IST1: variants seen among roughly 807,000 people sequenced by gnomAD.
IST1 encodes the protein IST1 homolog.
A neutral mutation model predicts 37.0 loss-of-function variants in IST1; 23 were observed. That is an observed-to-expected ratio of 0.62 (90% CI 0.45 to 0.88). The LOEUF (loss-of-function observed/expected upper bound fraction) is 0.88. Ranked by LOEUF, IST1 falls within the 40% of genes least tolerant of loss-of-function variation. The pLI is 0.00. For missense variants in IST1, 488 were observed against 445.4 expected (o/e 1.10, Z -0.86); for synonymous variants, 180 against 161.7 (o/e 1.11, Z -0.86).
At chr16:71,916,753 T>A in intron 3 of IST1, 111 bp downstream of exon 3, 1 of 896,952 alleles carries the variant, frequency 1.1e-6, no homozygotes, top group Non-Finnish European at 1.7e-6. Context: ...ATCTGCTGCC[T>A]AACAGTTGCT....
chr16:71,921,592 A>G (rs2037586240), intron 6 of IST1, 139 bp downstream of exon 6: 1 of 601,278 alleles, frequency 1.7e-6, no homozygotes, highest in Admixed American at 2.9e-5. Context: ...ATGACAATAA[A>G]TGTGCCTGCA....
chr16:71,930,318 G>C lies in IST1; in HGVS notation c.*2505G>C, dbSNP rs961408699. On this transcript the variant is annotated 3_prime_UTR_variant, in exon 10 of 10. Transcript: ENST00000378799. ...AGGAAACTTAGGGAGAGAGTCAAAA[G>C]ATAATAAGAAGGAAAATACTTTTAA... is the stretch of plus-strand genomic sequence containing the variant. 1.5e-5 allele frequency: 13 copies of C among 871,874 alleles called. No homozygotes were observed. In the African/African-American group the frequency reaches 2.2e-4, roughly 15 times the overall value. 54.0% of individuals were successfully genotyped at this position (871,874 alleles called of 1,614,324 possible).
At chr16:71,904,578 T>C (rs1243048490) in intron 1 of IST1, among the ~76,000 whole-genome samples, 1 of 152,200 alleles carries the variant, frequency 6.6e-6, no homozygotes, top group African/African-American at 2.4e-5. Context: ...CGTGTCCAGC[T>C]AATTTTTATT....
chr16:71,913,828 T>G (rs553297020), intron 1 of IST1, among the ~76,000 whole-genome samples: 2 of 152,020 alleles, frequency 1.3e-5, no homozygotes, highest in South Asian at 2.1e-4. Context: ...TATTTTTGGA[T>G]ACGGAGTTTC....
At chr16:71,917,559 A>G (rs905937577) in intron 4 of IST1, among the ~76,000 whole-genome samples, 5 of 152,380 alleles carry the variant, frequency 3.3e-5, no homozygotes, top group Admixed American at 1.3e-4. Flanking sequence ...GGCACCAGCC[A>G]TACTCCTGTA....
At chr16:71,899,780 T>G (rs1291419521) in intron 1 of IST1, among the ~76,000 whole-genome samples, 2 of 148,806 alleles carry the variant, frequency 1.3e-5, no homozygotes, top group Non-Finnish European at 3.0e-5. Flanking sequence ...TCCCAGCACT[T>G]CGGGAGGCCG....
rs557232249 is a variant in IST1, at chr16:71,928,180, T to C, written c.*367T>C. 2.0e-4 allele frequency: 56 copies of C among 277,950 alleles called. No homozygotes were observed. Among genetic ancestry groups the C allele is most frequent in the African/African-American group, 1.2e-3 (53 of 45,222 alleles). The allele number at this position is 277,950 out of a possible 1,614,324, so 17.2% of individuals were successfully genotyped here. A position where few individuals can be genotyped will look rare whatever the true frequency, so the allele number is the denominator to read the frequency against. ...TGGCTGGACAGTGGGAGAGAGCACG[T>C]TGTGAAGCATCCCAGCCTCGTGTTG... On this transcript the variant is annotated 3_prime_UTR_variant, in exon 10 of 10. Coordinates refer to ENST00000378799, the MANE Select transcript of IST1 (RefSeq NM_001270975.2).
chr16:71,898,423 C>T (rs2037026995), intron 1 of IST1, among the ~76,000 whole-genome samples: 1 of 150,160 alleles, frequency 6.7e-6, no homozygotes, highest in Non-Finnish European at 1.5e-5. Flanking sequence ...GTGGCTCATG[C>T]CTGTAATCCC....
chr16:71,922,419 G>C, intron 6 of IST1, 55 bp from the exon 7 acceptor site: 1 of 1,472,570 alleles, frequency 6.8e-7, no homozygotes, highest in Non-Finnish European at 9.5e-7. Context: ...TCCGCTTTCT[G>C]GGGAACCTGG....
In IST1 at chr16:71,895,541, G is replaced by A; in HGVS notation, c.-64G>A. On this transcript the variant is annotated 5_prime_UTR_variant, in exon 1 of 10. The change creates a new upstream start codon in the 5' untranslated region. Coordinates refer to ENST00000378799, the MANE Select transcript of IST1 (RefSeq NM_001270975.2). ...GCCGAGGGAGTCGCCATTTTGGATG[G>A]TGAACCCTGAAGTCGGTGTCTGCTG... 1 of 985,706 alleles carries A rather than the reference G, an allele frequency of 1.0e-6. No individual in the cohort carries two copies. The highest frequency in any genetic ancestry group is 1.2e-6 in the Non-Finnish European group (1 of 830,074). 61.1% of individuals were successfully genotyped at this position (985,706 alleles called of 1,614,324 possible).
chr16:71,900,262 G>GCT (rs1263722500), intron 1 of IST1, among the ~76,000 whole-genome samples: 1 of 149,760 alleles, frequency 6.7e-6, no homozygotes, highest in Admixed American at 6.7e-5. Context: ...TCTTGACCTT[G>GCT]CTCTCTCCCC....
chr16:71,928,250 G>GGTGAGTGAGAATCAAGGCCACCTTGTGT lies in IST1; in HGVS notation c.*440_*467dup, dbSNP rs2037800203. ...AGACCCCTCTGTACAGGGGGATTGT[G>GGTGAGTGAGAATCAAGGCCACCTTGTGT]GTGAGTGAGAATCAAGGCCACCTTG... is the stretch of plus-strand genomic sequence containing the variant. On this transcript the variant is annotated 3_prime_UTR_variant, in exon 10 of 10. Transcript: ENST00000378799. The GGTGAGTGAGAATCAAGGCCACCTTGTGT allele has an allele frequency of 5.7e-6, 1 of 174,858 alleles. No homozygotes were observed. Among genetic ancestry groups the GGTGAGTGAGAATCAAGGCCACCTTGTGT allele is most frequent in the Non-Finnish European group, 1.2e-5 (1 of 81,858 alleles). 10.8% of individuals were successfully genotyped at this position (174,858 alleles called of 1,614,324 possible).
intron 4 of IST1, among the ~76,000 whole-genome samples, chr16:71,918,414 A>G (rs1597250595): frequency 1.9e-5 from 2 of 107,932 alleles, no homozygotes. Context: ...ATTCTTATGT[A>G]GGCTTTTTTT....
upstream of IST1, chr16:71,894,715 T>G: frequency 1.7e-6 from 1 of 578,192 alleles, no homozygotes; most frequent in Non-Finnish European, 2.9e-6. Context: ...TTTTTTTTTT[T>G]TGTAGCGATG....
chr16:71,924,058 C>T (rs1441470619), intron 8 of IST1: 5 of 449,434 alleles, frequency 1.1e-5, no homozygotes, highest in Non-Finnish European at 2.2e-5. Flanking sequence ...CCTGAGCTTG[C>T]TTTCTGTTCT....
Position 71,930,095 on chromosome 16 carries a change from G to A in IST1, c.*2282G>A, listed in dbSNP as rs984248453. ...TTTTCCAAAGGCCATGAGAATGGCC[G>A]AAACGAAAAGATTAATTACCACAAG... is the stretch of plus-strand genomic sequence containing the variant. On this transcript the variant is annotated 3_prime_UTR_variant, in exon 10 of 10. Coordinates refer to ENST00000378799, the MANE Select transcript of IST1 (RefSeq NM_001270975.2). 7.7e-6 allele frequency: 12 copies of A among 1,551,270 alleles called. No individual in the cohort carries two copies. Among genetic ancestry groups the A allele is most frequent in the African/African-American group, 5.5e-5 (4 of 73,016 alleles).
intron 5 of IST1, 60 bp downstream of exon 5, chr16:71,920,882 TGTGGCAATTCTA>T (rs1225490073): frequency 1.7e-6 from 2 of 1,186,816 alleles, no homozygotes; most frequent in Admixed American, 3.4e-5. Context: ...TTGTACTGCT[TGTGGCAATTCTA>T]GTGGGTACCA....
At chr16:71,920,073 C>G (rs2037546299) in intron 4 of IST1, among the ~76,000 whole-genome samples, 1 of 152,198 alleles carries the variant, frequency 6.6e-6, no homozygotes, top group Non-Finnish European at 1.5e-5. Context: ...CTGGACCTCA[C>G]AGTCTGGGCT....
At chr16:71,917,183 A>G (rs1314631667) in intron 4 of IST1, 49 bp downstream of exon 4, 1 of 1,176,572 alleles carries the variant, frequency 8.5e-7, no homozygotes, top group Non-Finnish European at 1.3e-6. Flanking sequence ...ATATTGTTAG[A>G]AAGGTTGGTT....
Sources: gnomAD v4.1 joint callset for allele counts (sites outside exome capture counted in the v4.1 genomes callset) on GRCh38, gnomAD v4.1.1 for gene constraint, MANE v1.5 for transcripts, NCBI Gene and HGNC (gene_info 2026-07-23, HGNC 2026-07-21) for gene names.